The following MIOS variants were observed in gnomAD, a reference collection of about 807,000 sequenced individuals.
The protein encoded by MIOS is meiosis regulator for oocyte development.
In MIOS, 52 loss-of-function variants were observed where a neutral mutation model predicts 96.9. The ratio of observed to expected loss-of-function variants is 0.54; its 90% CI spans 0.43 to 0.68. The LOEUF is 0.68. Ranked by LOEUF, MIOS falls within the 30% of genes least tolerant of loss-of-function variation. The pLI is 0.00. For missense variants in MIOS, 1,005 were observed against 1,052.8 expected, an observed-to-expected ratio of 0.95 and a Z score of 0.63; for synonymous variants, 397 against 359.5, an observed-to-expected ratio of 1.10 and a Z score of -1.18.
rs1235446050 is a variant in MIOS at position 7,603,886 on chromosome 7, A to G, written c.2402-2056A>G. Among the ~76,000 whole-genome samples the G allele has an allele frequency of 2.0e-5, 3 of 151,326 alleles. 1 individual carries two copies. The highest frequency in any genetic ancestry group is 4.2e-4 in the South Asian group (2 of 4,722). ...ACCATGGAATACTATGCAGCCATAA[A>G]AAATGATGAGTTCATGTCCTTTGTA... On this transcript the variant is annotated intron_variant, in intron 11 of 12. Coordinates refer to ENST00000340080, the MANE Select transcript of MIOS (RefSeq NM_019005.4).
At chr7:7,600,314 T>C (rs1425249761) in intron 11 of MIOS, among the ~76,000 whole-genome samples, 1 of 151,984 alleles carries the variant, frequency 6.6e-6, no homozygotes, top group Non-Finnish European at 1.5e-5. Context: ...GTGTGCTGTA[T>C]TCAGGAAACC....
At chr7:7,585,909 TTATGC>T in intron 7 of MIOS, 104 bp downstream of exon 7, 2 of 1,070,170 alleles carry the variant, frequency 1.9e-6, no homozygotes, top group Non-Finnish European at 2.6e-6. Context: ...TATTATATTT[TTATGC>T]ATATGTTATT....
intron 7 of MIOS, among the ~76,000 whole-genome samples, chr7:7,586,988 C>CTTTTTTTTTTTTTT (rs71988879): frequency 1.6e-5 from 2 of 123,052 alleles, no homozygotes; most frequent in African/African-American, 6.1e-5. Context: ...TTTTCTTTCC[C>CTTTTTTTTTTTTTT]TTTTTTTTTT....
At position 7,572,914 on chromosome 7, in the gene MIOS, A is replaced by G; in HGVS notation, c.439A>G (p.Ile147Val). Residue 147 changes from isoleucine (I) to valine (V), a missense_variant, in exon 4 of 13, where the codon ATC becomes GTC. By Grantham distance (29) the Ile-to-Val change is conservative. Coordinates refer to ENST00000340080, the MANE Select transcript of MIOS (RefSeq NM_019005.4). This position sits in a 1 kb window ranked among gnomAD's most constrained non-coding sequence, Gnocchi z 4.8. ...RADFSVLIWD[I>V]CSKYTPDIVP... ...TGACTTTTCAGTGCTAATATGGGATATCTGCAGCAAATATACTCCTGATAT... is the reference window on the plus strand; with the variant it reads ...TGACTTTTCAGTGCTAATATGGGATGTCTGCAGCAAATATACTCCTGATAT... 1.2e-6 allele frequency: 2 copies of G among 1,614,180 alleles called. No individual in the cohort carries two copies. Among genetic ancestry groups the G allele is most frequent in the Non-Finnish European group, 1.7e-6 (2 of 1,179,998 alleles).
At position 7,581,330 on chromosome 7, in the gene MIOS, T is replaced by A. The variant is rs1684916056; in HGVS notation, c.1394-1788T>A. ...AAAAAGAAAAGAAAAATTTTATATA[T>A]GTAATTTAACTTGCAAATGACAAGT... On this transcript the variant is annotated intron_variant, in intron 5 of 12. Coordinates refer to ENST00000340080, the MANE Select transcript of MIOS (RefSeq NM_019005.4). 2.0e-5 allele frequency among the ~76,000 whole-genome samples: 3 copies of A among 152,234 alleles called. 1 individual carries two copies. The highest frequency in any genetic ancestry group is 6.8e-3 in the Middle Eastern group (2 of 294).
At chr7:7,582,984 A>G (rs1017360593) in intron 5 of MIOS, 134 bp from the exon 6 acceptor site, 21 of 1,016,066 alleles carry the variant, frequency 2.1e-5, no homozygotes, top group Non-Finnish European at 1.7e-5. Context: ...GGCATAGTTC[A>G]TATTTACACT....
intron 3 of MIOS, among the ~76,000 whole-genome samples, chr7:7,571,001 A>G (rs1583620855): frequency 6.6e-6 from 1 of 152,360 alleles, no homozygotes; most frequent in South Asian, 2.1e-4. Flanking sequence ...ATCAAAAAGA[A>G]AAGCAATTAT....
chr7:7,605,876 T>G, intron 11 of MIOS, 66 bp from the exon 12 acceptor site: 1 of 1,460,674 alleles, frequency 6.8e-7, no homozygotes, highest in African/African-American at 1.4e-5. Flanking sequence ...TAGAAATGCT[T>G]TTTGAAAGTA....
intron 11 of MIOS, 92 bp from the exon 12 acceptor site, chr7:7,605,850 A>G (rs1784515495): frequency 1.5e-6 from 2 of 1,299,114 alleles, no homozygotes; most frequent in Non-Finnish European, 2.1e-6. Flanking sequence ...TGTGATTCAT[A>G]TTTGGAACAC....
chr7:7,586,988 CTTTTTT>C (rs71988879), intron 7 of MIOS, among the ~76,000 whole-genome samples: 1 of 123,050 alleles, frequency 8.1e-6, no homozygotes, highest in Non-Finnish European at 1.7e-5. Context: ...TTTTCTTTCC[CTTTTTT>C]TTTTTTTTTT....
chr7:7,579,570 A>G (rs996983225), intron 5 of MIOS, among the ~76,000 whole-genome samples: 2 of 152,222 alleles, frequency 1.3e-5, no homozygotes, highest in Non-Finnish European at 2.9e-5. Context: ...GAGGTGTCCA[A>G]TCTTGTCTTC....
intron 11 of MIOS, among the ~76,000 whole-genome samples, chr7:7,602,501 G>C (rs1207720263): frequency 6.6e-6 from 1 of 151,948 alleles, no homozygotes; most frequent in Admixed American, 6.6e-5. Context: ...AAAATACCTA[G>C]GAATCCAACT....
intron 11 of MIOS, among the ~76,000 whole-genome samples, chr7:7,598,282 A>T (rs1165642318): frequency 6.6e-6 from 1 of 152,242 alleles, no homozygotes; most frequent in Non-Finnish European, 1.5e-5. Context: ...GATCCTTTCT[A>T]GTGCAGACAT....
chr7:7,596,250 T>G lies in MIOS; in HGVS notation c.2197-7T>G. On this transcript the variant is annotated splice_region_variant and splice_polypyrimidine_tract_variant and intron_variant, in intron 10 of 12. Coordinates refer to ENST00000340080, the MANE Select transcript of MIOS (RefSeq NM_019005.4). ...TACATTTATTTTTTCTTTCATTTGTTTTGTAGGTTTTTGTGAGTTGCAATT... is the reference window on the plus strand; with the variant it reads ...TACATTTATTTTTTCTTTCATTTGTGTTGTAGGTTTTTGTGAGTTGCAATT... 6.2e-7 allele frequency: 1 copy of G among 1,612,876 alleles called. No individual in the cohort carries two copies. Among genetic ancestry groups the G allele is most frequent in the Non-Finnish European group, 8.5e-7 (1 of 1,179,214 alleles).
rs146980984 is a variant in MIOS, at chr7:7,569,609, T to C, written c.-41+1486T>C. Among the ~76,000 whole-genome samples the C allele has an allele frequency of 1.9e-3, 291 of 152,330 alleles. 2 individuals carry two copies. The highest frequency in any genetic ancestry group is 3.7e-3 in the Non-Finnish European group (253 of 68,028). On this transcript the variant is annotated intron_variant, in intron 3 of 12. Coordinates refer to ENST00000340080, the MANE Select transcript of MIOS (RefSeq NM_019005.4). ...TCCTACTAAGTGCCTAGCACTGTAC[T>C]GGGGACTAGAGGTACAATGGAACAC... is the stretch of plus-strand genomic sequence containing the variant.
chr7:7,575,214 A>AT (rs1783489976), intron 5 of MIOS, among the ~76,000 whole-genome samples: 1 of 152,140 alleles, frequency 6.6e-6, no homozygotes. Context: ...ATCCAATTTG[A>AT]TTTTTTACGG....
At chr7:7,568,761 C>G (rs1320392794) in intron 3 of MIOS, among the ~76,000 whole-genome samples, 1 of 152,200 alleles carries the variant, frequency 6.6e-6, no homozygotes, top group African/African-American at 2.4e-5. Flanking sequence ...GATAACCACC[C>G]AAACATCTGG....
chr7:7,577,762 T>C (rs1253422411), intron 5 of MIOS, among the ~76,000 whole-genome samples: 1 of 152,186 alleles, frequency 6.6e-6, no homozygotes, highest in Non-Finnish European at 1.5e-5. Flanking sequence ...TCCCATTTTA[T>C]GGCTGCTGTT....
intron 11 of MIOS, among the ~76,000 whole-genome samples, chr7:7,601,494 C>T: frequency 6.6e-6 from 1 of 152,120 alleles, no homozygotes; most frequent in East Asian, 1.9e-4. Context: ...AATTCCTGGA[C>T]ACATACACCC....
Sources: gnomAD v4.1 joint callset for allele counts (sites outside exome capture counted in the v4.1 genomes callset) on GRCh38, gnomAD v4.1.1 for gene constraint, Gnocchi (gnomAD v3.1) non-coding constraint, MANE v1.5 for transcripts, NCBI Gene and HGNC (gene_info 2026-07-23, HGNC 2026-07-21) for gene names.